The following RAB7A variants were observed in gnomAD, a reference collection of about 807,000 sequenced individuals.
RAB7A encodes RAB7A, member RAS oncogene family, also known as ras-related protein Rab-7a.
In RAB7A, 2 loss-of-function variants were observed where a neutral mutation model predicts 24.5. The ratio of observed to expected loss-of-function variants is 0.08; its 90% CI spans 0.03 to 0.26. The LOEUF is 0.26. Among genes scored for constraint, RAB7A ranks in the 10% least tolerant of loss-of-function variants. The probability of loss-of-function intolerance (pLI) is 1.00; values close to 1 mark genes in which losing one functional copy is unlikely to be tolerated. For missense variants in RAB7A, 118 were observed against 255.7 expected, an observed-to-expected ratio of 0.46 and a Z score of 3.67; for synonymous variants, 100 against 95.9, an observed-to-expected ratio of 1.04 and a Z score of -0.25.
chr3:128,811,753 A>T (rs534464058), intron 5 of RAB7A, among the ~76,000 whole-genome samples: 1 of 151,926 alleles, frequency 6.6e-6, no homozygotes, highest in East Asian at 1.9e-4. Flanking sequence ...GGAGGCTGAG[A>T]CTGGAGGATT....
At chr3:128,758,587 T>G (rs952511544) in intron 1 of RAB7A, among the ~76,000 whole-genome samples, 14 of 152,010 alleles carry the variant, frequency 9.2e-5, no homozygotes, top group Non-Finnish European at 1.6e-4. Context: ...CTGCGTTTGG[T>G]TTTTTAATTC....
At chr3:128,772,205 C>T (rs528983842) in intron 1 of RAB7A, among the ~76,000 whole-genome samples, 1 of 152,264 alleles carries the variant, frequency 6.6e-6, no homozygotes, top group South Asian at 2.1e-4. Context: ...ATTTACTTAT[C>T]CATGGACAAG....
intron 3 of RAB7A, among the ~76,000 whole-genome samples, chr3:128,801,089 C>G (rs138903714): frequency 1.3e-5 from 2 of 152,230 alleles, no homozygotes; most frequent in African/African-American, 2.4e-5. Flanking sequence ...CCTGGTAATT[C>G]CAGAGTGTTT....
At chr3:128,733,397 G>T (rs1158202340) in intron 1 of RAB7A, among the ~76,000 whole-genome samples, 2 of 152,180 alleles carry the variant, frequency 1.3e-5, no homozygotes, top group Non-Finnish European at 2.9e-5. Flanking sequence ...CCATTGCTCA[G>T]TAGTATTATG....
At chr3:128,763,188 T>TTACA (rs2070788986) in intron 1 of RAB7A, among the ~76,000 whole-genome samples, 2 of 82,120 alleles carry the variant, frequency 2.4e-5, no homozygotes, top group South Asian at 6.4e-4. Context: ...TACATTTAGC[T>TTACA]TATATATATA....
At chr3:128,768,947 TC>T (rs1368023736) in intron 1 of RAB7A, among the ~76,000 whole-genome samples, 3 of 149,794 alleles carry the variant, frequency 2.0e-5, no homozygotes, top group African/African-American at 7.4e-5. Flanking sequence ...TCCTTTCCTT[TC>T]CTTTTTTCTT....
intron 1 of RAB7A, among the ~76,000 whole-genome samples, chr3:128,742,225 C>T (rs2070561831): frequency 6.6e-6 from 1 of 150,874 alleles, no homozygotes; most frequent in Admixed American, 6.6e-5. Context: ...GTTTATTCCC[C>T]CCGGTGGGTT....
intron 1 of RAB7A, chr3:128,749,460 G>T (rs1389447073): frequency 1.3e-5 from 2 of 152,148 alleles, no homozygotes; most frequent in African/African-American, 2.4e-5. Context: ...AAGCTACCCC[G>T]GCCGATGGTC....
chr3:128,743,060 C>G (rs2070571046), intron 1 of RAB7A, among the ~76,000 whole-genome samples: 1 of 152,250 alleles, frequency 6.6e-6, no homozygotes, highest in Non-Finnish European at 1.5e-5. Flanking sequence ...GTCCAGAGCC[C>G]TGCCCCACGG....
At chr3:128,761,768 A>G (rs1208424323) in intron 1 of RAB7A, among the ~76,000 whole-genome samples, 1 of 152,218 alleles carries the variant, frequency 6.6e-6, no homozygotes, top group African/African-American at 2.4e-5. Context: ...ACAGGGACAG[A>G]GTGTGATTGT....
intron 1 of RAB7A, among the ~76,000 whole-genome samples, chr3:128,743,291 C>T (rs575412810): frequency 1.3e-5 from 2 of 152,330 alleles, no homozygotes; most frequent in African/African-American, 4.8e-5. Context: ...CCCAGTTTCC[C>T]GCCCATGCCT....
chr3:128,747,305 G>A (rs1471350609), intron 1 of RAB7A, among the ~76,000 whole-genome samples: 1 of 149,628 alleles, frequency 6.7e-6, no homozygotes, highest in Non-Finnish European at 1.5e-5. Context: ...AAAAATAATC[G>A]GCCGGGCGCA....
chr3:128,736,614 G>A (rs1281606237), intron 1 of RAB7A, among the ~76,000 whole-genome samples: 7 of 152,040 alleles, frequency 4.6e-5, no homozygotes, highest in Non-Finnish European at 8.8e-5. Flanking sequence ...ATTCCAGCAC[G>A]TACAGTTTAA....
At chr3:128,727,010 A>G (rs1249875716) in intron 1 of RAB7A, among the ~76,000 whole-genome samples, 1 of 152,196 alleles carries the variant, frequency 6.6e-6, no homozygotes, top group African/African-American at 2.4e-5. Context: ...TAATCGAGGA[A>G]AGATGGTAGT....
At chr3:128,808,724 A>G (rs1933856482) in intron 5 of RAB7A, among the ~76,000 whole-genome samples, 1 of 152,212 alleles carries the variant, frequency 6.6e-6, no homozygotes, top group Non-Finnish European at 1.5e-5. Flanking sequence ...GGGGGTGGTC[A>G]GAGGTGTGGC....
chr3:128,732,777 T>C (rs1309826836), intron 1 of RAB7A, among the ~76,000 whole-genome samples: 1 of 152,054 alleles, frequency 6.6e-6, no homozygotes, highest in Non-Finnish European at 1.5e-5. Context: ...CAGTGGTTTG[T>C]GTTCGTGGCA....
chr3:128,752,378 T>G lies in RAB7A; in HGVS notation c.-9+26019T>G, dbSNP rs147111586. Among the ~76,000 whole-genome samples the G allele has an allele frequency of 4.9e-5, 7 of 142,954 alleles. No individual in the cohort carries two copies. The East Asian group carries it at 1.4e-3, about 29-fold the overall frequency. 93.8% of individuals were successfully genotyped at this position (142,954 alleles called of 152,430 possible). ...GAAGAAGATATAAGAATTTAAAAAG[T>G]GGGACAAAAGAGTAAAGGAGGATGA... On this transcript the variant is annotated intron_variant, in intron 1 of 5. Transcript: ENST00000265062.
rs56027163 is a variant in RAB7A, at chr3:128,737,825, GTTTTTT to G, written c.-9+11493_-9+11498del. Among the ~76,000 whole-genome samples the G allele has an allele frequency of 8.0e-3, 473 of 59,416 alleles. 5 individuals are homozygous for G. Among genetic ancestry groups the G allele is most frequent in the African/African-American group, 0.027 (425 of 15,754 alleles). The allele number at this position is 59,416 out of a possible 152,430, so 39.0% of individuals were successfully genotyped here. Reference sequence around the variant, plus strand: ...CACCACATCTGGCTATTTTTTTGTAGTTTTTTTTTTTTTTTTTTTTTTTTTTTTTTT... The same window carrying G: ...CACCACATCTGGCTATTTTTTTGTAGTTTTTTTTTTTTTTTTTTTTTTTTT... On this transcript the variant is annotated intron_variant, in intron 1 of 5. Coordinates refer to ENST00000265062, the MANE Select transcript of RAB7A (RefSeq NM_004637.6).
At chr3:128,774,277 C>T (rs1272049244) in intron 1 of RAB7A, among the ~76,000 whole-genome samples, 1 of 150,910 alleles carries the variant, frequency 6.6e-6, no homozygotes, top group Admixed American at 6.6e-5. Flanking sequence ...GAGTGACTTC[C>T]CCCTTCTCCC....
Sources: allele counts gnomAD v4.1 joint callset (sites outside exome capture counted in the v4.1 genomes callset), GRCh38; gene constraint gnomAD v4.1.1; transcripts MANE v1.5; gene names NCBI Gene and HGNC (gene_info 2026-07-23, HGNC 2026-07-21).